CHUK: variants seen among roughly 807,000 people sequenced by gnomAD.
CHUK encodes component of inhibitor of nuclear factor kappa B kinase complex, also known as inhibitor of nuclear factor kappa-B kinase subunit alpha.
A neutral mutation model predicts 104.8 loss-of-function variants in CHUK; 35 were observed. The observed-to-expected ratio is 0.33, with a 90% CI of 0.26 to 0.44. The LOEUF (loss-of-function observed/expected upper bound fraction) is 0.44, where lower values mean the gene tolerates loss of function less well. Ranked by LOEUF, CHUK falls within the 20% of genes least tolerant of loss-of-function variation. The pLI, the probability that CHUK is intolerant of heterozygous loss-of-function variation, is 1.00. For synonymous variants in CHUK, 276 were observed against 291.9 expected (o/e 0.95, Z 0.56); for missense variants, 663 against 902.7 (o/e 0.73, Z 3.40).
intron 9 of CHUK, among the ~76,000 whole-genome samples, chr10:100,212,804 A>G (rs2134235116): frequency 6.6e-6 from 1 of 152,168 alleles, no homozygotes; most frequent in East Asian, 1.9e-4. Context: ...CAGGAGTTCA[A>G]GACCAGCCTG....
chr10:100,228,975 A>T (rs1181033898), intron 1 of CHUK, among the ~76,000 whole-genome samples: 1 of 124,000 alleles, frequency 8.1e-6, no homozygotes, highest in Non-Finnish European at 1.7e-5. Flanking sequence ...TATGGCCTCC[A>T]AGCGCGCGCG....
intron 9 of CHUK, among the ~76,000 whole-genome samples, chr10:100,217,721 AC>A (rs1845890573): frequency 6.6e-6 from 1 of 152,194 alleles, no homozygotes; most frequent in Non-Finnish European, 1.5e-5. Context: ...TACTAAAAAT[AC>A]AAAAATTAGC....
chr10:100,198,664 G>A (rs1001668133), intron 16 of CHUK, among the ~76,000 whole-genome samples: 3 of 152,150 alleles, frequency 2.0e-5, no homozygotes, highest in Non-Finnish European at 4.4e-5. Context: ...AGAACTGCTG[G>A]TCAGACTAAA....
intron 14 of CHUK, among the ~76,000 whole-genome samples, chr10:100,201,016 A>G (rs574355418): frequency 6.6e-6 from 1 of 152,334 alleles, no homozygotes; most frequent in South Asian, 2.1e-4. Flanking sequence ...ACAACAGTAA[A>G]CTACTAGTAT....
At chr10:100,210,095 T>TTTTC in intron 9 of CHUK, among the ~76,000 whole-genome samples, 1 of 108,552 alleles carries the variant, frequency 9.2e-6, no homozygotes, top group East Asian at 2.1e-4. Context: ...TTATTTATTT[T>TTTTC]TTTTTTTTTT....
rs147343110 is a variant in CHUK, at chr10:100,225,331, A to G, written c.200+592T>C. On this transcript the variant is annotated intron_variant, in intron 2 of 20. Transcript: ENST00000370397. ...AGTTTGACTACTCTAGGTACCACAC[A>G]TAAGTGGAATGACACAGTATTTGTC... Among the ~76,000 whole-genome samples, 186 of 152,338 alleles carry G rather than the reference A, an allele frequency of 1.2e-3. 3 individuals carry two copies. The highest frequency in any genetic ancestry group is 4.0e-3 in the African/African-American group (166 of 41,570).
At chr10:100,205,802 C>G (rs1418429429) in intron 11 of CHUK, among the ~76,000 whole-genome samples, 1 of 152,146 alleles carries the variant, frequency 6.6e-6, no homozygotes, top group African/African-American at 2.4e-5. Flanking sequence ...GTGGTGTGCA[C>G]CTATAATCCC....
Position 100,225,943 on chromosome 10 carries a change from A to G in CHUK, c.180T>C (p.His60=). The change falls in exon 2 of 21, where the codon CAT becomes CAC. Residue 60 remains histidine (H), a synonymous_variant. Coordinates refer to ENST00000370397, the MANE Select transcript of CHUK (RefSeq NM_001278.5). The part of the protein sequence containing the change: ...LSTKNRERWC[H]EIQIMKKLNH... The stretch of plus-strand genomic sequence containing the variant: ...CTTACTTCTTCATAATCTGGATTTC[A>G]TGGCACCATCGTTCTCTGTTTTTGG... 1 of 1,602,536 alleles carries G rather than the reference A, an allele frequency of 6.2e-7. No individual in the cohort carries two copies. Among genetic ancestry groups the G allele is most frequent in the Non-Finnish European group, 8.5e-7 (1 of 1,169,592 alleles).
intron 9 of CHUK, among the ~76,000 whole-genome samples, chr10:100,212,503 A>G (rs1845752901): frequency 6.6e-6 from 1 of 152,258 alleles, no homozygotes; most frequent in African/African-American, 2.4e-5. Flanking sequence ...CATTTTTGGT[A>G]TTGAGTTGCA....
At chr10:100,217,909 A>C (rs1174196467) in intron 9 of CHUK, 86 bp downstream of exon 9, 1 of 1,271,920 alleles carries the variant, frequency 7.9e-7, no homozygotes, top group Non-Finnish European at 1.1e-6. Context: ...ACAGGAAAAG[A>C]TTATTAAACT....
Position 100,204,578 on chromosome 10 carries a change from T to C in CHUK, c.1435A>G (p.Lys479Glu). ...LISASQQLKA[K>E]LEFFHKSIQL... is the part of the protein sequence containing the mutation. ...ATGCTTTTGTGAAAAAACTCCAATT[T>C]AGCTTTCAGTTGTTGTGATGCTGAG... The change falls in exon 13 of 21, where the codon AAA becomes GAA. Residue 479 changes from lysine to glutamate, a missense_variant. Transcript: ENST00000370397. 1.2e-6 allele frequency: 2 copies of C among 1,613,440 alleles called. No individual in the cohort carries two copies. Among genetic ancestry groups the C allele is most frequent in the Non-Finnish European group, 1.7e-6 (2 of 1,179,450 alleles).
chr10:100,207,320 T>G lies in CHUK; in HGVS notation c.1141A>C (p.Ser381Arg). The part of the protein sequence containing the change: ...CVLDGVRGCD[S>R]YMVYLFDKSK... ...TTATCAAACAAATAAACCATATAGC[T>G]ATCACAGCCTCTCTGAAAAAGAAAC... Residue 381 changes from serine (S) to arginine (R), a missense_variant, in exon 11 of 21, where the codon AGC becomes CGC. Physicochemically the swap from Ser to Arg is moderately radical, Grantham distance 110. This residue lies in a region of CHUK where 93 missense variants were observed against 95.9 expected (regional missense o/e 0.97). Transcript: ENST00000370397. The G allele has an allele frequency of 6.8e-7, 1 of 1,468,130 alleles. No homozygotes were observed. The highest frequency in any genetic ancestry group is 9.5e-7 in the Non-Finnish European group (1 of 1,048,166). The allele number at this position is 1,468,130 out of a possible 1,614,324, so 90.9% of individuals were successfully genotyped here. A position where few individuals can be genotyped will look rare whatever the true frequency, so the allele number is the denominator to read the frequency against.
chr10:100,194,552 C>T (rs1256873579), intron 16 of CHUK, 31 bp from the exon 17 acceptor site: 2 of 1,447,794 alleles, frequency 1.4e-6, no homozygotes, highest in African/African-American at 2.8e-5. Flanking sequence ...TGGATATAAC[C>T]TTTCTTCTGT....
intron 17 of CHUK, 53 bp from the exon 18 acceptor site, chr10:100,194,184 C>G (rs1845271666): frequency 2.5e-6 from 4 of 1,594,062 alleles, no homozygotes; most frequent in Non-Finnish European, 2.6e-6. Flanking sequence ...AGACTGTACA[C>G]CATATTCCCA....
intron 11 of CHUK, among the ~76,000 whole-genome samples, chr10:100,205,779 T>G (rs1400291081): frequency 3.9e-5 from 6 of 151,988 alleles, no homozygotes; most frequent in African/African-American, 7.3e-5. Flanking sequence ...AATGCAAAAA[T>G]TAGCTGGGCG....
chr10:100,196,574 A>AT (rs984025890), intron 16 of CHUK, among the ~76,000 whole-genome samples: 1 of 151,790 alleles, frequency 6.6e-6, no homozygotes, highest in African/African-American at 2.4e-5. Context: ...TTATTGATTT[A>AT]TTTTTTTGTA....
chr10:100,217,421 A>G (rs1307440719), intron 9 of CHUK, among the ~76,000 whole-genome samples: 2 of 152,238 alleles, frequency 1.3e-5, no homozygotes, highest in East Asian at 1.9e-4. Flanking sequence ...ATCCAGTATG[A>G]CTAGACATAA....
At chr10:100,211,508 G>C (rs1226300713) in intron 9 of CHUK, among the ~76,000 whole-genome samples, 1 of 151,926 alleles carries the variant, frequency 6.6e-6, no homozygotes, top group Non-Finnish European at 1.5e-5. Flanking sequence ...TGCAGCCCCT[G>C]GCAACTATGA....
chr10:100,213,571 G>A (rs1845785054), intron 9 of CHUK, among the ~76,000 whole-genome samples: 1 of 152,040 alleles, frequency 6.6e-6, no homozygotes, highest in African/African-American at 2.4e-5. Flanking sequence ...ACCCAGGCTG[G>A]AGTGCAGTGG....
Sources: allele counts gnomAD v4.1 joint callset (sites outside exome capture counted in the v4.1 genomes callset), GRCh38; gene constraint gnomAD v4.1.1; regional missense constraint gnomAD v4.1.1; transcripts MANE v1.5; gene names NCBI Gene and HGNC (gene_info 2026-07-23, HGNC 2026-07-21).